EIF4G2: variants seen among roughly 807,000 people sequenced by gnomAD.
The protein encoded by EIF4G2 is eukaryotic translation initiation factor 4 gamma 2.
EIF4G2 carries 8 observed loss-of-function variants against 117.7 expected under a neutral mutation model. The observed-to-expected ratio is 0.07, with a 90% confidence interval of 0.04 to 0.12. The LOEUF (loss-of-function observed/expected upper bound fraction) is 0.12, where lower values mean the gene tolerates loss of function less well. EIF4G2 is among the 10% of genes least tolerant of loss of function. EIF4G2 has a pLI of 1.00. For missense variants in EIF4G2, 812 were observed against 1,086.2 expected (o/e 0.75, Z 3.55); for synonymous variants, 413 against 367.8 (o/e 1.12, Z -1.41).
intron 3 of EIF4G2, 36 bp from the exon 4 acceptor site, chr11:10,806,083 A>C (rs183550733): frequency 1.2e-6 from 2 of 1,613,192 alleles, no homozygotes; most frequent in Non-Finnish European, 8.5e-7. Flanking sequence ...ACTTATTGTC[A>C]CACACCAAAT....
At chr11:10,805,789 T>C in intron 4 of EIF4G2, 118 bp downstream of exon 4, 4 of 1,432,704 alleles carry the variant, frequency 2.8e-6, no homozygotes, top group Non-Finnish European at 3.9e-6. Context: ...ACCATGAGGA[T>C]TCATTAAAAC....
At chr11:10,802,810 T>C (rs910898507) in intron 11 of EIF4G2, among the ~76,000 whole-genome samples, 1 of 152,142 alleles carries the variant, frequency 6.6e-6, no homozygotes, top group East Asian at 1.9e-4. Context: ...GAGGCTGCAG[T>C]GAATCGAGAA....
chr11:10,798,149 C>T (rs573469979), intron 21 of EIF4G2, among the ~76,000 whole-genome samples: 1 of 152,164 alleles, frequency 6.6e-6, no homozygotes, highest in Non-Finnish European at 1.5e-5. Context: ...CAATGTTTCT[C>T]AAGCCTGGGC....
rs749779809 is a variant in EIF4G2, at chr11:10,803,009, C to T, written c.996+21G>A. ...ACACACACAGAGTCTATGTGACAAA[C>T]AAAACAAAACCCAATCTTACTTTTA... On this transcript the variant is annotated intron_variant, in intron 11 of 21. Transcript: ENST00000339995. The surrounding 1 kb of genome is among the most constrained non-coding windows in gnomAD (Gnocchi z 4.0). The T allele has an allele frequency of 1.2e-5, 19 of 1,601,870 alleles. No individual in the cohort carries two copies. The highest frequency in any genetic ancestry group is 1.6e-5 in the Non-Finnish European group (19 of 1,173,764).
intron 1 of EIF4G2, chr11:10,808,361 G>C (rs1392740658): frequency 3.7e-5 from 45 of 1,207,728 alleles, no homozygotes; most frequent in Non-Finnish European, 4.0e-5. Context: ...CGGCCCGCGT[G>C]CCTCCCGCCA....
rs1847498759 is a variant in EIF4G2, at chr11:10,804,221, G to C, written c.484-18C>G. ...CTGAATGTCTGGAAAAGAAGACATT[G>C]TCATGCTTTATTAAGGAAATTTTTC... On this transcript the variant is annotated intron_variant, in intron 6 of 21. Transcript: ENST00000339995. The C allele has an allele frequency of 1.9e-6, 3 of 1,613,598 alleles. No individual in the cohort carries two copies. Among genetic ancestry groups the C allele is most frequent in the Non-Finnish European group, 2.5e-6 (3 of 1,179,760 alleles).
At position 10,807,360 on chromosome 11, in the gene EIF4G2, G is replaced by C; in HGVS notation, c.-65C>G. 1 of 1,606,334 alleles carries C rather than the reference G, an allele frequency of 6.2e-7. No individual in the cohort carries two copies. The highest frequency in any genetic ancestry group is 1.3e-5 in the African/African-American group (1 of 74,482). On this transcript the variant is annotated 5_prime_UTR_variant, in exon 2 of 22. Coordinates refer to ENST00000339995, the MANE Select transcript of EIF4G2 (RefSeq NM_001418.4). ...ATTAATAGATGGGGTGGGGAGGGGA[G>C]GGGACAGGAGAAATGAAATACCTGG...
Position 10,799,744 on chromosome 11 carries a change from T to A in EIF4G2, c.2132A>T (p.Asn711Ile). ...CAAAATCTCCAACATGCGGTCCTTA[T>A]TCTGATCAATTTCTGAAGAGACAAA... Residue 711 changes from asparagine (N) to isoleucine (I), a missense_variant, in exon 19 of 22, where the codon AAT (asparagine) becomes ATT (isoleucine). Asn to Ile is a moderately radical substitution (Grantham distance 149). This residue lies in a region of EIF4G2 where 571 missense variants were observed against 642.3 expected (regional missense o/e 0.89). Coordinates refer to ENST00000339995, the MANE Select transcript of EIF4G2 (RefSeq NM_001418.4). The A allele has an allele frequency of 6.2e-7, 1 of 1,612,436 alleles. No homozygotes were observed. Among genetic ancestry groups the A allele is most frequent in the South Asian group, 1.1e-5 (1 of 90,710 alleles).
chr11:10,802,011 T>TA, intron 13 of EIF4G2, 38 bp downstream of exon 13: 1 of 1,597,762 alleles, frequency 6.3e-7, no homozygotes, highest in Admixed American at 1.7e-5. Context: ...ATGTTGCAGA[T>TA]AAGGTTTAGA....
intron 4 of EIF4G2, among the ~76,000 whole-genome samples, chr11:10,805,317 C>T (rs964565901): frequency 3.3e-5 from 5 of 152,226 alleles, no homozygotes; most frequent in Non-Finnish European, 5.9e-5. Flanking sequence ...ATTATATTCC[C>T]TGCCTCACTG....
chr11:10,804,757 G>C (rs575516523), intron 5 of EIF4G2, 156 bp downstream of exon 5: 7 of 650,960 alleles, frequency 1.1e-5, no homozygotes, highest in Non-Finnish European at 1.6e-5. Flanking sequence ...ACTAAAGTCA[G>C]TGGTTCTTTT....
chr11:10,808,206 G>A (rs951599633), intron 1 of EIF4G2: 5 of 1,132,930 alleles, frequency 4.4e-6, no homozygotes, highest in East Asian at 1.0e-4. Context: ...CTGACAAAAG[G>A]GGCAGAAATC....
Position 10,804,186 on chromosome 11 carries a change from T to G in EIF4G2, c.501A>C (p.Leu167=). ...CAAATTCATCTTGTAATTTGGAAAT[T>G]AGGAGGCGTCTGAATGTCTGGAAAA... The change falls in exon 7 of 22, where the codon CTA becomes CTC. Residue 167 remains leucine, a synonymous_variant. Transcript: ENST00000339995. The G allele has an allele frequency of 1.2e-6, 2 of 1,614,214 alleles. No individual in the cohort carries two copies. The highest frequency in any genetic ancestry group is 1.7e-6 in the Non-Finnish European group (2 of 1,180,036).
chr11:10,808,526 G>C (rs765357702), intron 1 of EIF4G2, 179 bp downstream of exon 1: 15 of 1,195,622 alleles, frequency 1.3e-5, no homozygotes, highest in Non-Finnish European at 1.5e-5. Context: ...GTCAGCAACA[G>C]GAAGAGAGAA....
Position 10,801,755 on chromosome 11 carries a change from T to C in EIF4G2, c.1319A>G (p.His440Arg), listed in dbSNP as rs756593971. The C allele has an allele frequency of 6.2e-7, 1 of 1,614,112 alleles. No homozygotes were observed. The highest frequency in any genetic ancestry group is 1.1e-5 in the South Asian group (1 of 91,080). The change falls in exon 14 of 22, where the codon CAT becomes CGT. Residue 440 changes from histidine to arginine, a missense_variant. By Grantham distance (29) the His-to-Arg change is conservative. Around this residue, in one of 4 missense-constraint regions of EIF4G2, gnomAD observed 571 missense variants for 642.3 expected, o/e 0.89. Coordinates refer to ENST00000339995, the MANE Select transcript of EIF4G2 (RefSeq NM_001418.4). ...GGATAAGAGTCCCTGACTCTGGTTA[T>C]GGTAGAGCTGGCTTAGCCCCTATTT...
At chr11:10,808,561 C>T (rs1847664643) in intron 1 of EIF4G2, 144 bp downstream of exon 1, 5 of 1,029,166 alleles carry the variant, frequency 4.9e-6, no homozygotes, top group Non-Finnish European at 6.1e-6. Context: ...TTCCAGGTAT[C>T]TGAAGCGCAG....
chr11:10,806,050 G>A lies in EIF4G2; in HGVS notation c.108-3C>T, dbSNP rs1270883531. On this transcript the variant is annotated splice_region_variant and splice_polypyrimidine_tract_variant and intron_variant, in intron 3 of 21. Coordinates refer to ENST00000339995, the MANE Select transcript of EIF4G2 (RefSeq NM_001418.4). ...CTGGGGTTTTCCCCAGGAACTCGCT[G>A]ATTAATAAAAATCAGCAAAAACACT... is the stretch of plus-strand genomic sequence containing the variant. The A allele has an allele frequency of 1.2e-6, 2 of 1,614,162 alleles. No homozygotes were observed. Among genetic ancestry groups the A allele is most frequent in the South Asian group, 2.2e-5 (2 of 91,080 alleles).
rs1449176944 is a variant in EIF4G2 at position 10,797,918 on chromosome 11, A to G, written c.2659-37T>C. 1 of 1,599,348 alleles carries G rather than the reference A, an allele frequency of 6.3e-7. No homozygotes were observed. The highest frequency in any genetic ancestry group is 1.1e-5 in the South Asian group (1 of 90,424). ...GATTTGTAAATTAAAATAGTTCATG[A>G]TATAAACAGAAATCCATCCAAAAAG... On this transcript the variant is annotated intron_variant, in intron 21 of 21. Transcript: ENST00000339995. This position sits in a 1 kb window ranked among gnomAD's most constrained non-coding sequence, Gnocchi z 4.5.
intron 1 of EIF4G2, chr11:10,808,464 C>A: frequency 7.9e-7 from 1 of 1,258,004 alleles, no homozygotes; most frequent in Non-Finnish European, 1.0e-6. Flanking sequence ...GTCGGCCATC[C>A]GGCCATGACC....
Sources: gnomAD v4.1 joint callset for allele counts (sites outside exome capture counted in the v4.1 genomes callset) on GRCh38, gnomAD v4.1.1 for gene constraint, gnomAD v4.1.1 regional missense constraint, Gnocchi (gnomAD v3.1) non-coding constraint, MANE v1.5 for transcripts, NCBI Gene and HGNC (gene_info 2026-07-23, HGNC 2026-07-21) for gene names.